Variants in ROR1 observed in about 807,000 individuals in gnomAD.
The protein encoded by ROR1 is inactive tyrosine-protein kinase transmembrane receptor ROR1.
In ROR1, 19 loss-of-function variants were observed where a neutral mutation model predicts 78.8. The observed-to-expected ratio is 0.24, with a 90% CI of 0.17 to 0.35. The LOEUF is 0.35. ROR1 is among the 10% of genes least tolerant of loss of function. The pLI, the probability that ROR1 is intolerant of heterozygous loss-of-function variation, is 1.00. For missense variants in ROR1, 917 were observed against 1,177.8 expected (o/e 0.78, Z 3.24); for synonymous variants, 386 against 433.6 (o/e 0.89, Z 1.36).
chr1:63,923,825 CA>C (rs1262987564), intron 1 of ROR1, among the ~76,000 whole-genome samples: 1 of 151,862 alleles, frequency 6.6e-6, no homozygotes, highest in Non-Finnish European at 1.5e-5. Context: ...CCCACTTACC[CA>C]CCTCCACTGG....
chr1:63,958,470 T>G (rs1646001769), intron 1 of ROR1, among the ~76,000 whole-genome samples: 2 of 152,198 alleles, frequency 1.3e-5, no homozygotes, highest in Admixed American at 1.3e-4. Context: ...GTGCATACTC[T>G]GAGTCCCAAG....
chr1:64,084,208 G>T (rs936375573), intron 4 of ROR1, among the ~76,000 whole-genome samples: 4 of 152,174 alleles, frequency 2.6e-5, no homozygotes, highest in African/African-American at 9.7e-5. Context: ...TGATAAAGAT[G>T]ATAAAAATAT....
chr1:63,983,228 A>G (rs762965606), intron 1 of ROR1, among the ~76,000 whole-genome samples: 54 of 152,160 alleles, frequency 3.5e-4, no homozygotes, highest in Non-Finnish European at 8.8e-5. Context: ...TTTTACAGAT[A>G]TGGAAACGGA....
At chr1:64,075,163 C>A (rs1467343893) in intron 4 of ROR1, among the ~76,000 whole-genome samples, 1 of 152,140 alleles carries the variant, frequency 6.6e-6, no homozygotes, top group East Asian at 1.9e-4. Context: ...GAGCTGAATA[C>A]ATAATCTGAA....
chr1:63,834,772 C>T (rs1379355291), intron 1 of ROR1, among the ~76,000 whole-genome samples: 1 of 152,104 alleles, frequency 6.6e-6, no homozygotes, highest in African/African-American at 2.4e-5. Context: ...GGCAAGTGGA[C>T]TACTGTTCCA....
At chr1:64,007,499 G>A (rs72914904) in intron 1 of ROR1, among the ~76,000 whole-genome samples, 1 of 151,728 alleles carries the variant, frequency 6.6e-6, no homozygotes, top group African/African-American at 2.4e-5. Context: ...CAACAACCAA[G>A]ATTATTTGTA....
chr1:63,937,682 C>G (rs1040091276), intron 1 of ROR1, among the ~76,000 whole-genome samples: 4 of 152,042 alleles, frequency 2.6e-5, no homozygotes, highest in African/African-American at 9.7e-5. Flanking sequence ...TAAATCAGAG[C>G]CTGAAGGTGC....
At chr1:63,901,263 G>A (rs1409650821) in intron 1 of ROR1, among the ~76,000 whole-genome samples, 1 of 152,154 alleles carries the variant, frequency 6.6e-6, no homozygotes, top group Non-Finnish European at 1.5e-5. Context: ...AGGTTCTACG[G>A]CCAGCAGAGC....
chr1:63,980,568 C>T (rs924115084), intron 1 of ROR1, among the ~76,000 whole-genome samples: 7 of 152,204 alleles, frequency 4.6e-5, no homozygotes, highest in Admixed American at 3.9e-4. Context: ...CTGTAAATGG[C>T]ATCATTTTGG....
At chr1:63,940,899 G>A (rs576102781) in intron 1 of ROR1, among the ~76,000 whole-genome samples, 4 of 152,198 alleles carry the variant, frequency 2.6e-5, no homozygotes, top group Non-Finnish European at 5.9e-5. Context: ...ATGCAGGTAC[G>A]TGATGCACTG....
intron 1 of ROR1, among the ~76,000 whole-genome samples, chr1:63,965,391 G>A (rs1175672234): frequency 2.6e-5 from 4 of 152,182 alleles, no homozygotes; most frequent in African/African-American, 7.2e-5. Context: ...TGGTTACTAC[G>A]ATGAAGAGTG....
intron 1 of ROR1, among the ~76,000 whole-genome samples, chr1:63,799,136 T>A (rs1040833381): frequency 1.3e-5 from 2 of 152,152 alleles, no homozygotes; most frequent in Admixed American, 6.5e-5. Flanking sequence ...CTTAAAAGGC[T>A]GCTAGGAAAA....
chr1:64,017,463 T>C (rs1646530319), intron 2 of ROR1, among the ~76,000 whole-genome samples: 1 of 152,146 alleles, frequency 6.6e-6, no homozygotes, highest in Admixed American at 6.5e-5. Flanking sequence ...TGGAATTCTA[T>C]CCGGAAATAG....
At chr1:63,855,661 T>G (rs951852499) in intron 1 of ROR1, among the ~76,000 whole-genome samples, 3 of 152,108 alleles carry the variant, frequency 2.0e-5, no homozygotes, top group African/African-American at 4.8e-5. Flanking sequence ...GCTCTTTTTT[T>G]TTTTTTGAGA....
At chr1:64,095,161 A>G (rs951564344) in intron 4 of ROR1, 10 of 152,146 alleles carry the variant, frequency 6.6e-5, no homozygotes, top group African/African-American at 2.4e-4. Flanking sequence ...GAGAAAGCCA[A>G]TCTTCTCTAG....
intron 8 of ROR1, 34 bp downstream of exon 8, chr1:64,159,226 G>C: frequency 6.6e-7 from 1 of 1,519,134 alleles, no homozygotes; most frequent in Non-Finnish European, 9.1e-7. Context: ...CATTTGTTCC[G>C]TGGGCTTCAA....
chr1:63,828,984 C>A (rs67884112), intron 1 of ROR1, among the ~76,000 whole-genome samples: 20,683 of 152,176 alleles, frequency 0.14, 1,494 homozygotes, highest in Middle Eastern at 0.22. Context: ...ATCATATCAT[C>A]GCCATCTGAT....
intron 1 of ROR1, among the ~76,000 whole-genome samples, chr1:63,915,487 A>G (rs1216617820): frequency 6.6e-6 from 1 of 152,154 alleles, no homozygotes; most frequent in Non-Finnish European, 1.5e-5. Context: ...AATGGCAGAA[A>G]CTACATGAAT....
intron 1 of ROR1, among the ~76,000 whole-genome samples, chr1:63,996,372 TC>T (rs1646337051): frequency 6.6e-6 from 1 of 152,112 alleles, no homozygotes; most frequent in Admixed American, 6.6e-5. Context: ...ATTATTGATC[TC>T]CCCAGGCTAT....
Sources: gnomAD v4.1 joint callset for allele counts (sites outside exome capture counted in the v4.1 genomes callset) on GRCh38, gnomAD v4.1.1 for gene constraint, MANE v1.5 for transcripts, NCBI Gene and HGNC (gene_info 2026-07-23, HGNC 2026-07-21) for gene names.